The following UGT2A2 variants were observed in gnomAD, a reference collection of about 807,000 sequenced individuals.
The protein encoded by UGT2A2 is UDP glucuronosyltransferase family 2 member A2, also known as UDP-glucuronosyltransferase 2A2.
A neutral mutation model predicts 50.7 loss-of-function variants in UGT2A2; 60 were observed. The observed-to-expected ratio is 1.18, with a 90% CI of 0.96 to 1.47. The LOEUF (loss-of-function observed/expected upper bound fraction) is 1.47, where lower values mean the gene tolerates loss of function less well. UGT2A2 is among the 40% of genes most tolerant of loss of function. The probability of loss-of-function intolerance (pLI) is 0.00; values close to 1 mark genes in which losing one functional copy is unlikely to be tolerated. For missense variants in UGT2A2, 762 were observed against 634.0 expected (o/e 1.20, Z -2.17); for synonymous variants, 242 against 214.6 (o/e 1.13, Z -1.11).
intron 1 of UGT2A2, among the ~76,000 whole-genome samples, chr4:69,627,518 AAAG>A (rs1373896358): frequency 6.9e-6 from 1 of 145,346 alleles, no homozygotes; most frequent in Non-Finnish European, 1.5e-5. Flanking sequence ...GAAAAGAAAG[AAAG>A]AAGAAAGAAA....
intron 1 of UGT2A2, among the ~76,000 whole-genome samples, chr4:69,619,620 A>G (rs1720624640): frequency 6.6e-6 from 1 of 151,906 alleles, no homozygotes. Flanking sequence ...TGAAACTTAA[A>G]CACATTCTAA....
chr4:69,620,494 G>GA (rs1178633072), intron 1 of UGT2A2, among the ~76,000 whole-genome samples: 3 of 151,032 alleles, frequency 2.0e-5, no homozygotes, highest in Non-Finnish European at 4.4e-5. Flanking sequence ...ACAAACAAAT[G>GA]AAAAAACATT....
Position 69,639,350 on chromosome 4 carries a change from C to T in UGT2A2, c.291G>A (p.Glu97=). ...YKKSNIDSLI[E]HMIMLWIDHR... is the part of the protein sequence containing the mutation. ...GGTCAATCCACAGCATTATCATATG[C>T]TCAATTAAGGAATCTATATTGCTCT... Residue 97 remains glutamate (E), a synonymous_variant, in exon 1 of 6, where the codon GAG becomes GAA. Transcript: ENST00000604629. 1 of 1,613,688 alleles carries T rather than the reference C, an allele frequency of 6.2e-7. No individual in the cohort carries two copies. The highest frequency in any genetic ancestry group is 1.1e-5 in the South Asian group (1 of 91,044).
At chr4:69,620,269 A>G (rs558166252) in intron 1 of UGT2A2, among the ~76,000 whole-genome samples, 1 of 147,882 alleles carries the variant, frequency 6.8e-6, no homozygotes, top group East Asian at 2.0e-4. Context: ...TGCACTAATA[A>G]AAAACTACAG....
rs916948164 is a variant in UGT2A2, at chr4:69,604,863, A to G, written c.743-5469T>C. ...TGGTAAAAGGATCAATTCAACAAGA[A>G]GAGCTAGCTGTCCTAAATATATATG... On this transcript the variant is annotated intron_variant, in intron 1 of 5. Coordinates refer to ENST00000604629, the MANE Select transcript of UGT2A2 (RefSeq NM_001105677.2). 3.0e-4 allele frequency among the ~76,000 whole-genome samples: 41 copies of G among 137,210 alleles called. 10 individuals are homozygous for G. Among genetic ancestry groups the G allele is most frequent in the African/African-American group, 1.2e-3 (41 of 33,950 alleles). 90.0% of individuals were successfully genotyped at this position (137,210 alleles called of 152,430 possible).
intron 2 of UGT2A2, among the ~76,000 whole-genome samples, chr4:69,597,678 T>C (rs1719013100): frequency 6.6e-6 from 1 of 152,054 alleles, no homozygotes; most frequent in Non-Finnish European, 1.5e-5. Context: ...TTTGCCATTT[T>C]GATTTATTTT....
intron 1 of UGT2A2, among the ~76,000 whole-genome samples, chr4:69,601,478 G>C (rs1416287751): frequency 3.3e-5 from 5 of 152,090 alleles, no homozygotes; most frequent in African/African-American, 1.2e-4. Flanking sequence ...GCCACCTCTT[G>C]GCTAGAGGCC....
At chr4:69,598,090 C>A (rs1159144906) in intron 2 of UGT2A2, among the ~76,000 whole-genome samples, 1 of 152,076 alleles carries the variant, frequency 6.6e-6, no homozygotes, top group Non-Finnish European at 1.5e-5. Flanking sequence ...ATGAATATTT[C>A]TGTGTCTTTA....
chr4:69,633,352 C>G (rs1166154651), intron 1 of UGT2A2, among the ~76,000 whole-genome samples: 1 of 152,042 alleles, frequency 6.6e-6, no homozygotes, highest in East Asian at 1.9e-4. Context: ...AGAGCTGGAA[C>G]CCTAGTATAT....
At chr4:69,613,505 GAC>G (rs1261146399) in intron 1 of UGT2A2, among the ~76,000 whole-genome samples, 1 of 144,800 alleles carries the variant, frequency 6.9e-6, no homozygotes, top group East Asian at 1.9e-4. Flanking sequence ...CAAAACCAAA[GAC>G]ACAACAACAG....
rs757807657 is a variant in UGT2A2, at chr4:69,639,384, G to T, written c.257C>A (p.Ser86Tyr). The part of the protein sequence containing the change: ...SPVNFEVIPV[S>Y]YKKSNIDSLI... The stretch of plus-strand genomic sequence containing the variant: ...GGAATCTATATTGCTCTTCTTGTAG[G>T]AAACAGGTATCACTTCAAAATTCAC... The change falls in exon 1 of 6, where the codon TCC becomes TAC. Residue 86 changes from serine to tyrosine, a missense_variant. Transcript: ENST00000604629. 3 of 1,613,538 alleles carry T rather than the reference G, an allele frequency of 1.9e-6. No homozygotes were observed. Among genetic ancestry groups the T allele is most frequent in the Non-Finnish European group, 2.5e-6 (3 of 1,179,686 alleles).
chr4:69,599,205 T>C, intron 2 of UGT2A2, 41 bp downstream of exon 2: 4 of 1,559,278 alleles, frequency 2.6e-6, no homozygotes, highest in Non-Finnish European at 3.5e-6. Context: ...TTAAGTATTT[T>C]ATTATGAAGA....
chr4:69,624,882 T>G (rs1720953028), intron 1 of UGT2A2, among the ~76,000 whole-genome samples: 2 of 151,390 alleles, frequency 1.3e-5, no homozygotes, highest in African/African-American at 4.8e-5. Context: ...TTATTTACAA[T>G]TTTTGTCTCT....
At chr4:69,590,366 G>T (rs1328441755) in intron 5 of UGT2A2, among the ~76,000 whole-genome samples, 1 of 152,120 alleles carries the variant, frequency 6.6e-6, no homozygotes, top group Non-Finnish European at 1.5e-5. Context: ...AACAATATTG[G>T]GTGGATATCT....
chr4:69,618,946 G>A (rs1002438389), intron 1 of UGT2A2, among the ~76,000 whole-genome samples: 16 of 151,758 alleles, frequency 1.1e-4, no homozygotes, highest in Admixed American at 7.2e-4. Flanking sequence ...AGACAAAGAT[G>A]TTGTTTAACA....
chr4:69,603,888 A>G lies in UGT2A2; in HGVS notation c.743-4494T>C, dbSNP rs966813830. Among the ~76,000 whole-genome samples, 7 of 136,422 alleles carry G rather than the reference A, an allele frequency of 5.1e-5. 2 individuals carry two copies. The highest frequency in any genetic ancestry group is 1.5e-4 in the African/African-American group (5 of 33,704). The allele number at this position is 136,422 out of a possible 152,430, so 89.5% of individuals were successfully genotyped here. A position where few individuals can be genotyped will look rare whatever the true frequency, so the allele number is the denominator to read the frequency against. ...GAGAAAAAAGAATAAAAAGAAACGA[A>G]CAAAGCCTCCAAGAAATATGGGACT... On this transcript the variant is annotated intron_variant, in intron 1 of 5. Coordinates refer to ENST00000604629, the MANE Select transcript of UGT2A2 (RefSeq NM_001105677.2).
At chr4:69,616,838 T>C (rs923909221) in intron 1 of UGT2A2, among the ~76,000 whole-genome samples, 16 of 149,354 alleles carry the variant, frequency 1.1e-4, no homozygotes, top group Non-Finnish European at 7.5e-5. Flanking sequence ...CTTTTCTTTT[T>C]TTTTTTTTTT....
chr4:69,603,848 G>A lies in UGT2A2; in HGVS notation c.743-4454C>T, dbSNP rs1048076747. 8.1e-5 allele frequency among the ~76,000 whole-genome samples: 11 copies of A among 135,648 alleles called. 1 individual carries two copies. Among genetic ancestry groups the A allele is most frequent in the Non-Finnish European group, 1.7e-4 (11 of 63,900 alleles). The allele number at this position is 135,648 out of a possible 152,430, so 89.0% of individuals were successfully genotyped here. A position where few individuals can be genotyped will look rare whatever the true frequency, so the allele number is the denominator to read the frequency against. ...GAAGATCAAATGAATGAAATGAAGCGAGAAGAGAAGTTTAGAGAAAAAAGA... is the reference window on the plus strand; with the variant it reads ...GAAGATCAAATGAATGAAATGAAGCAAGAAGAGAAGTTTAGAGAAAAAAGA... On this transcript the variant is annotated intron_variant, in intron 1 of 5. Coordinates refer to ENST00000604629, the MANE Select transcript of UGT2A2 (RefSeq NM_001105677.2).
intron 5 of UGT2A2, among the ~76,000 whole-genome samples, chr4:69,591,894 T>C (rs964741752): frequency 2.6e-5 from 4 of 152,206 alleles, no homozygotes; most frequent in African/African-American, 9.6e-5. Flanking sequence ...AAGATCATAC[T>C]GAGCCTTGCT....
Sources: gnomAD v4.1 joint callset for allele counts (sites outside exome capture counted in the v4.1 genomes callset) on GRCh38, gnomAD v4.1.1 for gene constraint, MANE v1.5 for transcripts, NCBI Gene and HGNC (gene_info 2026-07-23, HGNC 2026-07-21) for gene names.